Variants in MUC12 observed in about 807,000 individuals in gnomAD.
The protein encoded by MUC12 is mucin-12.
A neutral mutation model predicts 230.8 loss-of-function variants in MUC12; 172 were observed. The observed-to-expected ratio is 0.75, with a 90% CI of 0.66 to 0.85. The LOEUF (loss-of-function observed/expected upper bound fraction) is 0.85, where lower values mean the gene tolerates loss of function less well. Ranked by LOEUF, MUC12 falls within the 40% of genes least tolerant of loss-of-function variation. The pLI is 0.00. For synonymous variants in MUC12, 1,259 were observed against 2,401.9 expected (o/e 0.52, Z 13.91); for missense variants, 3,506 against 5,920.6 (o/e 0.59, Z 13.38).
At chr7:100,981,920 G>T (rs1318957156) in intron 1 of MUC12, among the ~76,000 whole-genome samples, 1 of 145,112 alleles carries the variant, frequency 6.9e-6, no homozygotes, top group Non-Finnish European at 1.5e-5. Flanking sequence ...AGACTGGAGT[G>T]CAGTGGTGCG....
chr7:100,972,983 A>T (rs1402508478), intron 1 of MUC12: 4 of 703,096 alleles, frequency 5.7e-6, no homozygotes, highest in Non-Finnish European at 7.8e-6. Flanking sequence ...AATGCCCTGA[A>T]AGATGAGGGG....
At chr7:100,985,641 G>T (rs1017201056) in intron 1 of MUC12, among the ~76,000 whole-genome samples, 10 of 152,154 alleles carry the variant, frequency 6.6e-5, no homozygotes, top group South Asian at 2.1e-4. Flanking sequence ...CTCTTTCACT[G>T]TCTCAGTCAT....
At chr7:101,017,170 G>C (rs1298596138) in intron 10 of MUC12, 1 of 165,512 alleles carries the variant, frequency 6.0e-6, no homozygotes, top group Non-Finnish European at 1.3e-5. Flanking sequence ...GGAGGATGCT[G>C]GAAGAAGATT....
At chr7:100,988,393 C>T (rs552309123) in intron 1 of MUC12, among the ~76,000 whole-genome samples, 45 of 152,202 alleles carry the variant, frequency 3.0e-4, no homozygotes, top group African/African-American at 9.9e-4. Context: ...GCCTGCTCTC[C>T]CTTCACCTTC....
At chr7:101,008,235 T>G (rs1793785279) in intron 3 of MUC12, among the ~76,000 whole-genome samples, 1 of 152,116 alleles carries the variant, frequency 6.6e-6, no homozygotes. Flanking sequence ...CAAGTTATCC[T>G]CTGGCCTCAG....
rs894238402 is a variant in MUC12, at chr7:101,013,835, T to A, written c.15639-78T>A. ...TGAGGGAGATCTGGTTTCCTGTGCT[T>A]AGGAGAGTGGGTTAACCCTTGGGAT... On this transcript the variant is annotated intron_variant, in intron 8 of 11. Coordinates refer to ENST00000536621, the MANE Select transcript of MUC12 (RefSeq NM_001164462.2). 4.2e-6 allele frequency: 6 copies of A among 1,432,958 alleles called. No individual in the cohort carries two copies. In the African/African-American group the frequency reaches 8.6e-5, roughly 20 times the overall value. 88.8% of individuals were successfully genotyped at this position (1,432,958 alleles called of 1,614,324 possible).
At position 100,992,323 on chromosome 7, in the gene MUC12, C is replaced by T. The variant is rs1240171830; in HGVS notation, c.1760C>T (p.Thr587Ile). ...YTTFHSRPGS[T>I]ETTLLPDNTT... is the part of the protein sequence containing the mutation. ...ACCTTCCACAGCCGCCCAGGCTCCA[C>T]TGAAACAACACTCTTACCTGACAAC... Residue 587 changes from threonine to isoleucine, a missense_variant, in exon 2 of 12, where the codon ACT (threonine) becomes ATT (isoleucine). Thr to Ile is a moderately conservative substitution (Grantham distance 89). Coordinates refer to ENST00000536621, the MANE Select transcript of MUC12 (RefSeq NM_001164462.2). The T allele has an allele frequency of 1.3e-6, 2 of 1,536,812 alleles. No homozygotes were observed. Among genetic ancestry groups the T allele is most frequent in the Admixed American group, 2.0e-5 (1 of 50,974 alleles).
intron 1 of MUC12, chr7:100,971,982 T>G: frequency 1.4e-6 from 1 of 690,556 alleles, no homozygotes. Flanking sequence ...TCCCTTAGTG[T>G]GCAAAACAGT....
chr7:100,973,068 A>T, intron 1 of MUC12: 3 of 701,332 alleles, frequency 4.3e-6, no homozygotes, highest in Non-Finnish European at 7.8e-6. Flanking sequence ...TGACAGGAGC[A>T]GTAAGACCAA....
chr7:100,980,701 A>G (rs1793092421), intron 1 of MUC12, among the ~76,000 whole-genome samples: 1 of 152,150 alleles, frequency 6.6e-6, no homozygotes, highest in South Asian at 2.1e-4. Flanking sequence ...AGGTGGGACA[A>G]TCACTGGAGG....
intron 1 of MUC12, among the ~76,000 whole-genome samples, chr7:100,990,279 G>A (rs1793259739): frequency 6.6e-6 from 1 of 152,206 alleles, no homozygotes; most frequent in African/African-American, 2.4e-5. Flanking sequence ...GCATGCAAGG[G>A]ATTTAGGCTG....
At position 101,015,625 on chromosome 7, in the gene MUC12, G is replaced by C. The variant is rs1051876485; in HGVS notation, c.15811G>C (p.Asp5271His). 4 of 1,537,694 alleles carry C rather than the reference G, an allele frequency of 2.6e-6. No homozygotes were observed. The highest frequency in any genetic ancestry group is 1.7e-4 in the Middle Eastern group (1 of 5,990). ...SQRKRHREQY[D>H]VPQEWRKEGT... ...CATTTCTGTCTGCAGGGAACAGTAT[G>C]ATGTGCCTCAAGAGTGGCGAAAGGA... is the stretch of plus-strand genomic sequence containing the variant. Residue 5271 changes from aspartate to histidine, a missense_variant, in exon 10 of 12, where the codon GAT becomes CAT. Asp to His is a moderately conservative substitution (Grantham distance 81). Coordinates refer to ENST00000536621, the MANE Select transcript of MUC12 (RefSeq NM_001164462.2).
intron 2 of MUC12, among the ~76,000 whole-genome samples, chr7:101,006,063 G>C (rs940247836): frequency 2.0e-4 from 31 of 152,244 alleles, no homozygotes; most frequent in African/African-American, 7.2e-4. Context: ...CTCCCAAAGT[G>C]CTGGGATTAC....
chr7:101,005,290 C>T lies in MUC12; in HGVS notation c.14727C>T (p.His4909=), dbSNP rs371099578. The change falls in exon 2 of 12, where the codon CAC becomes CAT. Residue 4909 remains histidine, a synonymous_variant. Transcript: ENST00000536621. ...TTGGTCAGGAATCAACAGCCTTCCA[C>T]AGCAGCTCAGACGCAACTGGAACAA... The part of the protein sequence containing the change: ...TDIGQESTAF[H]SSSDATGTTP... 89 of 1,537,832 alleles carry T rather than the reference C, an allele frequency of 5.8e-5. No individual in the cohort carries two copies. The highest frequency in any genetic ancestry group is 1.3e-4 in the South Asian group (11 of 84,064).
chr7:100,992,182 C>G lies in MUC12; in HGVS notation c.1619C>G (p.Thr540Ser). 6 of 1,537,954 alleles carry G rather than the reference C, an allele frequency of 3.9e-6. No individual in the cohort carries two copies. Among genetic ancestry groups the G allele is most frequent in the East Asian group, 2.4e-5 (1 of 40,930 alleles). ...CACACAACAGCATTCCCTGGCAGTA[C>G]CACCATGCCAGGCCTCAGTCAGGAA... is the stretch of plus-strand genomic sequence containing the variant. ...STHTTAFPGS[T>S]TMPGLSQEST... Residue 540 changes from threonine (T) to serine (S), a missense_variant, in exon 2 of 12, where the codon ACC becomes AGC. By Grantham distance (58) the Thr-to-Ser change is moderately conservative. Coordinates refer to ENST00000536621, the MANE Select transcript of MUC12 (RefSeq NM_001164462.2).
chr7:100,979,577 C>T lies in MUC12; in HGVS notation c.67+9888C>T, dbSNP rs144929702. Among the ~76,000 whole-genome samples, 696 of 152,130 alleles carry T rather than the reference C, an allele frequency of 4.6e-3. 5 individuals are homozygous for T. The highest frequency in any genetic ancestry group is 0.034 in the East Asian group (175 of 5,182). ...CAGGCAGATCGCGAGGTCAAGAGAT[C>T]GAGACCATCCTGGCCAACATGGTGA... On this transcript the variant is annotated intron_variant, in intron 1 of 11. Coordinates refer to ENST00000536621, the MANE Select transcript of MUC12 (RefSeq NM_001164462.2).
Position 100,989,321 on chromosome 7 carries a change from T to C in MUC12, c.68-1310T>C, listed in dbSNP as rs1231097783. On this transcript the variant is annotated intron_variant, in intron 1 of 11. Coordinates refer to ENST00000536621, the MANE Select transcript of MUC12 (RefSeq NM_001164462.2). ...ATGAGTTTCACAATGATGCCTAGGC[T>C]CATCTCGAACTCCTGACCTCAAGTG... Among the ~76,000 whole-genome samples the C allele has an allele frequency of 3.9e-5, 6 of 152,154 alleles. No homozygotes were observed. In the South Asian group the frequency reaches 1.2e-3, roughly 32 times the overall value.
intron 9 of MUC12, 82 bp downstream of exon 9, chr7:101,014,156 C>T: frequency 4.3e-6 from 6 of 1,398,898 alleles, no homozygotes; most frequent in Non-Finnish European, 4.7e-6. Flanking sequence ...TCCTAAGGCT[C>T]TGCTCCTTCC....
intron 5 of MUC12, among the ~76,000 whole-genome samples, chr7:101,011,313 T>C (rs2116356163): frequency 6.6e-6 from 1 of 152,268 alleles, no homozygotes; most frequent in African/African-American, 2.4e-5. Context: ...TACTACTGAC[T>C]TATCTTTCAA....
Sources: allele counts gnomAD v4.1 joint callset (sites outside exome capture counted in the v4.1 genomes callset), GRCh38; gene constraint gnomAD v4.1.1; transcripts MANE v1.5; gene names NCBI Gene and HGNC (gene_info 2026-07-23, HGNC 2026-07-21).